The following NACA variants were observed in gnomAD, a reference collection of about 807,000 sequenced individuals.
The protein encoded by NACA is nascent polypeptide-associated complex subunit alpha.
Under a neutral mutation model 86.4 loss-of-function variants are expected in NACA, and 42 were observed. That is an observed-to-expected ratio of 0.49 (90% CI 0.38 to 0.63). The LOEUF (loss-of-function observed/expected upper bound fraction) is 0.63. NACA is among the 20% of genes least tolerant of loss of function. NACA has a pLI of 0.00. For synonymous variants in NACA, 898 were observed against 973.7 expected (o/e 0.92, Z 1.45); for missense variants, 2,157 against 2,483.6 (o/e 0.87, Z 2.80).
At chr12:56,721,534 G>T (rs1953577190) in intron 2 of NACA, 75 bp from the exon 3 acceptor site, 3 of 920,968 alleles carry the variant, frequency 3.3e-6, no homozygotes, top group Admixed American at 3.0e-5. Context: ...GCCCAACTTG[G>T]TACAACATGC....
chr12:56,718,842 G>A lies in NACA; in HGVS notation c.2688C>T (p.Pro896=). 2.1e-6 allele frequency: 3 copies of A among 1,436,442 alleles called. No homozygotes were observed. Among genetic ancestry groups the A allele is most frequent in the Non-Finnish European group, 2.8e-6 (3 of 1,067,068 alleles). The allele number at this position is 1,436,442 out of a possible 1,614,324, so 89.0% of individuals were successfully genotyped here. Residue 896 remains proline (P), a synonymous_variant, in exon 3 of 9, where the codon CCC becomes CCT. Transcript: ENST00000454682. ...PTPSVVNLPF[P]KEGPATPAPK... ...GTGCTGGAGTAGCTGGACCCTCTTT[G>A]GGGAAGGGCAGATTCACCACTGAAG...
chr12:56,715,310 A>G (rs1280151399), intron 3 of NACA, among the ~76,000 whole-genome samples: 4 of 152,154 alleles, frequency 2.6e-5, no homozygotes, highest in Non-Finnish European at 5.9e-5. Flanking sequence ...ATTTCTTTCA[A>G]TTCAAAGGCC....
chr12:56,722,289 G>T (rs932923576), intron 2 of NACA, among the ~76,000 whole-genome samples: 1 of 152,224 alleles, frequency 6.6e-6, no homozygotes. Context: ...AGATGAATTA[G>T]ACATGAATTA....
At chr12:56,713,388 G>A (rs1592308691) in intron 6 of NACA, 149 bp downstream of exon 6, 5 of 1,239,272 alleles carry the variant, frequency 4.0e-6, no homozygotes, top group East Asian at 4.9e-5. Context: ...GGTCTCCCAG[G>A]AGATATATGG....
At position 56,716,014 on chromosome 12, in the gene NACA, T is replaced by G. The variant is rs776484177; in HGVS notation, c.5516A>C (p.Glu1839Ala). ...TTCCGGGGGAATCAGAGGCAGCAGC[T>G]CATCCTCATCAGCAGGGGCAAGGGG... ...SKPLAPADED[E>A]LLPLIPPEPI... The change falls in exon 3 of 9, where the codon GAG (glutamate) becomes GCG (alanine). Residue 1839 changes from glutamate to alanine, a missense_variant. Coordinates refer to ENST00000454682, the MANE Select transcript of NACA (RefSeq NM_001365896.1). The G allele has an allele frequency of 8.7e-6, 14 of 1,601,094 alleles. No individual in the cohort carries two copies. The Admixed American group carries it at 2.4e-4, about 27-fold the overall frequency.
At position 56,717,334 on chromosome 12, in the gene NACA, T is replaced by G. The variant is rs74526969; in HGVS notation, c.4196A>C (p.Lys1399Thr). Residue 1399 changes from lysine (K) to threonine (T), a missense_variant, in exon 3 of 9, where the codon AAA (lysine) becomes ACA (threonine). Coordinates refer to ENST00000454682, the MANE Select transcript of NACA (RefSeq NM_001365896.1). ...PKRGPAIPSP[K>T]GDPTSPAVIP... Reference sequence around the variant, plus strand: ...CACTGCTGGGGAAGTGGGGTCCCCTTTGGGAGATGGGATAGCTGGTCCTCT... The same window carrying G: ...CACTGCTGGGGAAGTGGGGTCCCCTGTGGGAGATGGGATAGCTGGTCCTCT... The G allele has an allele frequency of 4.7e-4, 644 of 1,357,350 alleles. 1 individual carries two copies. In the African/African-American group the frequency reaches 9.4e-3, roughly 20 times the overall value. 84.1% of individuals were successfully genotyped at this position (1,357,350 alleles called of 1,614,324 possible).
chr12:56,721,178 G>C lies in NACA; in HGVS notation c.352C>G (p.Leu118Val). The change falls in exon 3 of 9, where the codon CTA (leucine) becomes GTA (valine). Residue 118 changes from leucine (L) to valine (V), a missense_variant. Leu to Val is a conservative substitution (Grantham distance 32). This residue lies in a region of NACA where 947 missense variants were observed against 917.9 expected (regional missense o/e 1.03). Transcript: ENST00000454682. ...GPPISPAALA[L>V]ASPMIAPTLK... is the part of the protein sequence containing the mutation. ...GTTGGAGCTATCATGGGAGAGGCTA[G>C]AGCTAAGGCAGCTGGGGAGATGGGA... 1.2e-6 allele frequency: 2 copies of C among 1,613,954 alleles called. No individual in the cohort carries two copies. Among genetic ancestry groups the C allele is most frequent in the African/African-American group, 1.3e-5 (1 of 75,042 alleles).
At position 56,721,281 on chromosome 12, in the gene NACA, G is replaced by C. The variant is rs1383452968; in HGVS notation, c.249C>G (p.Pro83=). The change falls in exon 3 of 9, where the codon CCC becomes CCG. Residue 83 remains proline, a synonymous_variant. Transcript: ENST00000454682. ...IASTPLEVPF[P]QSSSGTALPL... ...GTAGGGCTGTTCCAGAGGATGACTGGGGAAAAGGAACTTCTAAAGGGGTCG... is the reference window on the plus strand; with the variant it reads ...GTAGGGCTGTTCCAGAGGATGACTGCGGAAAAGGAACTTCTAAAGGGGTCG... 2.5e-6 allele frequency: 4 copies of C among 1,612,948 alleles called. No individual in the cohort carries two copies. The highest frequency in any genetic ancestry group is 2.5e-6 in the Non-Finnish European group (3 of 1,179,528).
chr12:56,716,032 G>T lies in NACA; in HGVS notation c.5498C>A (p.Ala1833Asp). The change falls in exon 3 of 9, where the codon GCC (alanine) becomes GAC (aspartate). Residue 1833 changes from alanine (A) to aspartate (D), a missense_variant. By Grantham distance (126) the Ala-to-Asp change is moderately radical (BLOSUM62 -2). Transcript: ENST00000454682. The part of the protein sequence containing the change: ...LVLESPSKPL[A>D]PADEDELLPL... ...CAGCAGCTCATCCTCATCAGCAGGGGCAAGGGGTTTAGAGGGTGATTCCAA... is the reference window on the plus strand; with the variant it reads ...CAGCAGCTCATCCTCATCAGCAGGGTCAAGGGGTTTAGAGGGTGATTCCAA... The T allele has an allele frequency of 6.2e-7, 1 of 1,606,786 alleles. No homozygotes were observed. Among genetic ancestry groups the T allele is most frequent in the Non-Finnish European group, 8.5e-7 (1 of 1,175,424 alleles).
intron 2 of NACA, among the ~76,000 whole-genome samples, chr12:56,723,032 T>A (rs1384806266): frequency 3.9e-5 from 6 of 152,226 alleles, no homozygotes; most frequent in Non-Finnish European, 8.8e-5. Context: ...GGCCAAAGTC[T>A]AACGATTACA....
At chr12:56,721,533 G>A in intron 2 of NACA, 74 bp from the exon 3 acceptor site, 3 of 919,472 alleles carry the variant, frequency 3.3e-6, no homozygotes, top group Non-Finnish European at 3.2e-6. Context: ...AGCCCAACTT[G>A]GTACAACATG....
In NACA at chr12:56,714,587, T is replaced by C; in HGVS notation, c.5745+15A>G. 6.2e-7 allele frequency: 1 copy of C among 1,613,888 alleles called. No individual in the cohort carries two copies. Among genetic ancestry groups the C allele is most frequent in the Non-Finnish European group, 8.5e-7 (1 of 1,179,774 alleles). ...GCTTCTTTGACCCAATACCAGTTAG[T>C]AAGAGAATACCCACCTGGGCTTGTT... On this transcript the variant is annotated intron_variant, in intron 4 of 8. Coordinates refer to ENST00000454682, the MANE Select transcript of NACA (RefSeq NM_001365896.1).
intron 6 of NACA, 173 bp downstream of exon 6, chr12:56,713,364 C>T: frequency 8.3e-7 from 1 of 1,208,884 alleles, no homozygotes; most frequent in East Asian, 2.5e-5. Flanking sequence ...TGGTTCTCAA[C>T]TAGGGGGTAG....
intron 2 of NACA, among the ~76,000 whole-genome samples, chr12:56,722,190 A>G (rs1231838385): frequency 6.6e-6 from 1 of 152,178 alleles, no homozygotes; most frequent in Non-Finnish European, 1.5e-5. Flanking sequence ...CTTACTCACA[A>G]AACCCAAACA....
In NACA at chr12:56,718,543, G is replaced by A. The variant is rs759436476; in HGVS notation, c.2987C>T (p.Pro996Leu). ...GGATGGAGTAGCTGGACCTCCTTTG[G>A]GGGAGGGAGGAGTTGCAGCTGGGGG... Reference protein sequence around the residue: ...PTPPAATPPSPKGGPATPSPK... With the variant: ...PTPPAATPPSLKGGPATPSPK... Residue 996 changes from proline to leucine, a missense_variant, in exon 3 of 9, where the codon CCC becomes CTC. Physicochemically the swap from Pro to Leu is moderately conservative, Grantham distance 98. Around this residue, in one of 8 missense-constraint regions of NACA, gnomAD observed 124 missense variants for 186.5 expected, o/e 0.66. Transcript: ENST00000454682. The A allele has an allele frequency of 7.6e-7, 1 of 1,312,294 alleles. No individual in the cohort carries two copies. Among genetic ancestry groups the A allele is most frequent in the Non-Finnish European group, 9.9e-7 (1 of 1,010,694 alleles). The allele number at this position is 1,312,294 out of a possible 1,614,324, so 81.3% of individuals were successfully genotyped here. A position where few individuals can be genotyped will look rare whatever the true frequency, so the allele number is the denominator to read the frequency against.
chr12:56,717,055 T>C lies in NACA; in HGVS notation c.4475A>G (p.Lys1492Arg), dbSNP rs770648692. 4.9e-6 allele frequency: 6 copies of C among 1,225,920 alleles called. No individual in the cohort carries two copies. Among genetic ancestry groups the C allele is most frequent in the Non-Finnish European group, 6.2e-6 (6 of 965,200 alleles). 75.9% of individuals were successfully genotyped at this position (1,225,920 alleles called of 1,614,324 possible). The change falls in exon 3 of 9, where the codon AAG becomes AGG. Residue 1492 changes from lysine to arginine, a missense_variant. By Grantham distance (26) the Lys-to-Arg change is conservative. Around this residue, in one of 8 missense-constraint regions of NACA, gnomAD observed 797 missense variants for 777.6 expected, o/e 1.02. Coordinates refer to ENST00000454682, the MANE Select transcript of NACA (RefSeq NM_001365896.1). Reference protein sequence around the residue: ...KQVATSSSPKKAPATPAPMGA... With the variant: ...KQVATSSSPKRAPATPAPMGA... ...CATGGGGGCTGGAGTTGCTGGGGCC[T>C]TTTTGGGAGAGGAAGAAGTGGCAAC...
At chr12:56,714,331 A>C in intron 5 of NACA, 31 bp downstream of exon 5, 1 of 1,607,166 alleles carries the variant, frequency 6.2e-7, no homozygotes, top group Non-Finnish European at 8.5e-7. Context: ...AAGGTGCTTC[A>C]TAAGATCCTG....
intron 2 of NACA, among the ~76,000 whole-genome samples, chr12:56,723,921 G>T (rs1592324741): frequency 2.0e-5 from 3 of 152,170 alleles, no homozygotes; most frequent in Admixed American, 2.0e-4. Flanking sequence ...CAGCACACTA[G>T]AAGTATCTCA....
In NACA at chr12:56,719,093, C is replaced by G. The variant is rs1418150553; in HGVS notation, c.2437G>C (p.Gly813Arg). ...PQTKRPPTKK[G>R]SAGPDTPIGN... The stretch of plus-strand genomic sequence containing the variant: ...ATAGGAGTATCAGGGCCAGCAGAAC[C>G]CTTCTTGGTTGGAGGTCTTTTAGTC... Residue 813 changes from glycine to arginine, a missense_variant, in exon 3 of 9, where the codon GGT becomes CGT. By Grantham distance (125) the Gly-to-Arg change is moderately radical (BLOSUM62 -2). Transcript: ENST00000454682. 18 of 1,451,694 alleles carry G rather than the reference C, an allele frequency of 1.2e-5. No individual in the cohort carries two copies. Among genetic ancestry groups the G allele is most frequent in the Non-Finnish European group, 1.6e-5 (17 of 1,074,302 alleles). 89.9% of individuals were successfully genotyped at this position (1,451,694 alleles called of 1,614,324 possible). A position where few individuals can be genotyped will look rare whatever the true frequency, so the allele number is the denominator to read the frequency against.
Sources: gnomAD v4.1 joint callset for allele counts (sites outside exome capture counted in the v4.1 genomes callset) on GRCh38, gnomAD v4.1.1 for gene constraint, gnomAD v4.1.1 regional missense constraint, MANE v1.5 for transcripts, NCBI Gene and HGNC (gene_info 2026-07-23, HGNC 2026-07-21) for gene names.